Variants in PCDHA11 observed in about 807,000 individuals in gnomAD.
PCDHA11 encodes the protein protocadherin alpha-11.
PCDHA11 carries 61 observed loss-of-function variants against 70.3 expected under a neutral mutation model. That is an observed-to-expected ratio of 0.87 (90% CI 0.71 to 1.07). The LOEUF (loss-of-function observed/expected upper bound fraction) is 1.07, where lower values mean the gene tolerates loss of function less well. PCDHA11 is among the 50% of genes least tolerant of loss of function. The pLI, the probability that PCDHA11 is intolerant of heterozygous loss-of-function variation, is 0.00. For synonymous variants in PCDHA11, 633 were observed against 555.1 expected (o/e 1.14, Z -1.97); for missense variants, 1,324 against 1,237.5 (o/e 1.07, Z -1.05).
At chr5:140,958,593 A>G (rs1412529643) in intron 1 of PCDHA11, among the ~76,000 whole-genome samples, 2 of 152,214 alleles carry the variant, frequency 1.3e-5, no homozygotes, top group African/African-American at 4.8e-5. Context: ...GCTTATGATA[A>G]TTGGATCAAA....
At chr5:140,927,973 C>G (rs77078209) in intron 1 of PCDHA11, 1 of 1,614,216 alleles carries the variant, frequency 6.2e-7, no homozygotes, top group Non-Finnish European at 8.5e-7. Context: ...AGTGATTGCT[C>G]TCTTTAGTGT....
intron 1 of PCDHA11, among the ~76,000 whole-genome samples, chr5:140,945,351 A>C (rs1368185977): frequency 6.6e-6 from 1 of 152,138 alleles, no homozygotes; most frequent in Admixed American, 6.5e-5. Flanking sequence ...GGAAAAATTA[A>C]TACTGTTTAA....
Position 140,871,365 on chromosome 5 carries a change from G to A in PCDHA11, c.2262G>A (p.Arg754=). 6.2e-7 allele frequency: 1 copy of A among 1,614,218 alleles called. No individual in the cohort carries two copies. Among genetic ancestry groups the A allele is most frequent in the Non-Finnish European group, 8.5e-7 (1 of 1,180,038 alleles). ...GCTGGTCATACTCGCAGCAGAGGCGGCAGAGGGTGTGCTCTGAGGAGGGCC... is the reference window on the plus strand; with the variant it reads ...GCTGGTCATACTCGCAGCAGAGGCGACAGAGGGTGTGCTCTGAGGAGGGCC... ...VGSWSYSQQR[R]QRVCSEEGPP... Residue 754 remains arginine (R), a synonymous_variant, in exon 1 of 4, where the codon CGG becomes CGA. Transcript: ENST00000398640.
At position 140,879,168 on chromosome 5, in the gene PCDHA11, A is replaced by G. The variant is rs2057882676; in HGVS notation, c.2391+7674A>G. Among the ~76,000 whole-genome samples, 5 of 152,334 alleles carry G rather than the reference A, an allele frequency of 3.3e-5. 1 individual carries two copies. Among genetic ancestry groups the G allele is most frequent in the Admixed American group, 6.5e-5 (1 of 15,308 alleles). On this transcript the variant is annotated intron_variant, in intron 1 of 3. Coordinates refer to ENST00000398640, the MANE Select transcript of PCDHA11 (RefSeq NM_018902.5). ...AGGAAAGCTATTTCTTTTTTAATAAATTAGGTATCAAGTAATGGAGACTTA... is the reference window on the plus strand; with the variant it reads ...AGGAAAGCTATTTCTTTTTTAATAAGTTAGGTATCAAGTAATGGAGACTTA...
chr5:140,885,041 T>C (rs2060440056), intron 1 of PCDHA11, among the ~76,000 whole-genome samples: 1 of 152,250 alleles, frequency 6.6e-6, no homozygotes, highest in Non-Finnish European at 1.5e-5. Flanking sequence ...ATTTTTAGTT[T>C]AATGTATACA....
chr5:141,009,290 A>G (rs1372878338), intron 3 of PCDHA11, among the ~76,000 whole-genome samples: 1 of 152,118 alleles, frequency 6.6e-6, no homozygotes, highest in Non-Finnish European at 1.5e-5. Context: ...TCCCATTTCT[A>G]TAAAATTTTT....
In PCDHA11 at chr5:140,870,358, G is replaced by A. The variant is rs201159213; in HGVS notation, c.1255G>A (p.Ala419Thr). 4 of 1,614,098 alleles carry A rather than the reference G, an allele frequency of 2.5e-6. No individual in the cohort carries two copies. Among genetic ancestry groups the A allele is most frequent in the Non-Finnish European group, 3.4e-6 (4 of 1,180,046 alleles). The change falls in exon 1 of 4, where the codon GCC (alanine) becomes ACC (threonine). Residue 419 changes from alanine to threonine, a missense_variant. By Grantham distance (58) the Ala-to-Thr change is moderately conservative. Coordinates refer to ENST00000398640, the MANE Select transcript of PCDHA11 (RefSeq NM_018902.5). Reference sequence around the variant, plus strand: ...CGCCCTGGACCGCGAGAACGTGTGGGCCTATGAACTGGTGGTGACTGCGCG... The same window carrying A: ...CGCCCTGGACCGCGAGAACGTGTGGACCTATGAACTGGTGGTGACTGCGCG... ...DSALDRENVW[A>T]YELVVTARDG...
At chr5:140,872,580 T>C (rs1554166256) in intron 1 of PCDHA11, among the ~76,000 whole-genome samples, 1 of 152,172 alleles carries the variant, frequency 6.6e-6, no homozygotes, top group Middle Eastern at 3.2e-3. Flanking sequence ...TGACCTATCA[T>C]CGTGAGACCC....
rs573633705 is a variant in PCDHA11, at chr5:140,978,668, C to T, written c.2392-281C>T. ...TGTTCTTCCCGTAGTGTTTTAAGAACACAGACATGTATTGGGCAAGGCAAA... is the reference window on the plus strand; with the variant it reads ...TGTTCTTCCCGTAGTGTTTTAAGAATACAGACATGTATTGGGCAAGGCAAA... On this transcript the variant is annotated intron_variant, in intron 1 of 3. Coordinates refer to ENST00000398640, the MANE Select transcript of PCDHA11 (RefSeq NM_018902.5). 4.6e-5 allele frequency among the ~76,000 whole-genome samples: 7 copies of T among 152,362 alleles called. No homozygotes were observed. The East Asian group carries it at 1.3e-3, about 29-fold the overall frequency.
intron 1 of PCDHA11, among the ~76,000 whole-genome samples, chr5:140,970,530 T>C (rs1554232541): frequency 6.6e-6 from 1 of 151,424 alleles, no homozygotes; most frequent in Non-Finnish European, 1.5e-5. Context: ...GATGAATATG[T>C]GTGTGTGTTT....
In PCDHA11 at chr5:140,969,339, A is replaced by G. The variant is rs1563390643; in HGVS notation, c.2392-9610A>G. On this transcript the variant is annotated intron_variant, in intron 1 of 3. Transcript: ENST00000398640. ...GCTGTTTCTCAAAATGAGGTGAGAC[A>G]GTGGTCAGGGGGTCTTCTACAAACT... 5 of 1,613,830 alleles carry G rather than the reference A, an allele frequency of 3.1e-6. No homozygotes were observed. The South Asian group carries it at 4.4e-5, about 14-fold the overall frequency.
intron 1 of PCDHA11, chr5:140,929,256 A>T (rs572411725): frequency 1.9e-6 from 3 of 1,613,220 alleles, no homozygotes; most frequent in Non-Finnish European, 2.5e-6. Context: ...CTGGGGTAGG[A>T]CTGAATTTGC....
chr5:140,876,017 T>C lies in PCDHA11; in HGVS notation c.2391+4523T>C, dbSNP rs371785405. The C allele has an allele frequency of 8.7e-6, 14 of 1,613,124 alleles. No homozygotes were observed. Among genetic ancestry groups the C allele is most frequent in the Admixed American group, 3.3e-5 (2 of 59,812 alleles). ...CTAAATGAGAATTTTGAGCTTAAAA[T>C]AAAAACAAAAAAAGATAAAAGTATA... On this transcript the variant is annotated intron_variant, in intron 1 of 3. Transcript: ENST00000398640.
chr5:140,877,222 T>A lies in PCDHA11; in HGVS notation c.2391+5728T>A, dbSNP rs199811254. On this transcript the variant is annotated intron_variant, in intron 1 of 3. Coordinates refer to ENST00000398640, the MANE Select transcript of PCDHA11 (RefSeq NM_018902.5). ...CGCAGTTAGCGAGTTGGTACCGCGG[T>A]CGGTGGGTGCGGGCCACGTGGTGGC... The A allele has an allele frequency of 2.3e-4, 370 of 1,613,680 alleles. 1 individual carries two copies. The highest frequency in any genetic ancestry group is 3.0e-4 in the Admixed American group (18 of 59,992).
chr5:140,967,854 C>T (rs782783470), intron 1 of PCDHA11: 1 of 1,614,154 alleles, frequency 6.2e-7, no homozygotes, highest in South Asian at 1.1e-5. Flanking sequence ...GACAATGCCC[C>T]AGAGGTGGTG....
chr5:140,949,992 G>A (rs2094439293), intron 1 of PCDHA11, among the ~76,000 whole-genome samples: 1 of 151,522 alleles, frequency 6.6e-6, no homozygotes, highest in African/African-American at 2.4e-5. Flanking sequence ...ACTTTTCTCA[G>A]TCCACTTAAT....
intron 1 of PCDHA11, chr5:140,929,108 C>T (rs1255119645): frequency 6.2e-7 from 1 of 1,614,080 alleles, no homozygotes; most frequent in African/African-American, 1.3e-5. Flanking sequence ...TGCATGACAT[C>T]AGCCACCATA....
At chr5:140,970,753 C>T (rs1282500516) in intron 1 of PCDHA11, among the ~76,000 whole-genome samples, 1 of 152,176 alleles carries the variant, frequency 6.6e-6, no homozygotes, top group Non-Finnish European at 1.5e-5. Context: ...AATATATTTT[C>T]ATTGACATAT....
intron 1 of PCDHA11, chr5:140,877,731 G>A (rs2153355415): frequency 1.2e-6 from 2 of 1,614,176 alleles, no homozygotes; most frequent in Non-Finnish European, 1.7e-6. Context: ...ACTCGCAGCA[G>A]AGGAGGCAGA....
Sources: gnomAD v4.1 joint callset for allele counts (sites outside exome capture counted in the v4.1 genomes callset) on GRCh38, gnomAD v4.1.1 for gene constraint, MANE v1.5 for transcripts, NCBI Gene and HGNC (gene_info 2026-07-23, HGNC 2026-07-21) for gene names.